ZNF140: variants seen among roughly 807,000 people sequenced by gnomAD.
ZNF140 encodes the protein zinc finger protein 140, also known as zinc finger protein 140 (clone pHZ-39).
Under a neutral mutation model 12.9 loss-of-function variants are expected in ZNF140, and 13 were observed. That is an observed-to-expected ratio of 1.01 (90% CI 0.66 to 1.60). ZNF140 has a LOEUF of 1.60. ZNF140 is among the 40% of genes most tolerant of loss of function. ZNF140 has a pLI of 0.00. For missense variants in ZNF140, 531 were observed against 548.8 expected (o/e 0.97, Z 0.32); for synonymous variants, 214 against 186.7 (o/e 1.15, Z -1.19).
Position 133,081,843 on chromosome 12 carries a change from A to C in ZNF140, c.9+514A>C, listed in dbSNP as rs1031548987. 5.2e-5 allele frequency: 12 copies of C among 231,824 alleles called. No homozygotes were observed. In the Admixed American group the frequency reaches 7.0e-4, roughly 14 times the overall value. 14.4% of individuals were successfully genotyped at this position (231,824 alleles called of 1,614,324 possible). ...AACCTCTACTTTCAGTGGTTCCCACAGTGTGATCCTTGGACCAGCAGTATC... is the reference window on the plus strand; with the variant it reads ...AACCTCTACTTTCAGTGGTTCCCACCGTGTGATCCTTGGACCAGCAGTATC... On this transcript the variant is annotated intron_variant, in intron 2 of 4. Coordinates refer to ENST00000355557, the MANE Select transcript of ZNF140 (RefSeq NM_003440.4).
rs775282902 is a variant in ZNF140 at position 133,106,237 on chromosome 12, G to C, written c.960G>C (p.Gln320His). 6.2e-7 allele frequency: 1 copy of C among 1,614,188 alleles called. No individual in the cohort carries two copies. Among genetic ancestry groups the C allele is most frequent in the Non-Finnish European group, 8.5e-7 (1 of 1,180,034 alleles). ...GTTTCTCACACCTTACTCGACATCA[G>C]AGCATCCATACAACCAAAACCCCGT... ...FRRFSHLTRH[Q>H]SIHTTKTPYE... is the part of the protein sequence containing the mutation. The change falls in exon 5 of 5, where the codon CAG (glutamine) becomes CAC (histidine). Residue 320 changes from glutamine to histidine, a missense_variant. Coordinates refer to ENST00000355557, the MANE Select transcript of ZNF140 (RefSeq NM_003440.4).
At position 133,088,977 on chromosome 12, in the gene ZNF140, G is replaced by A. The variant is rs1478635998; in HGVS notation, c.232+5416G>A. Among the ~76,000 whole-genome samples, 4 of 152,170 alleles carry A rather than the reference G, an allele frequency of 2.6e-5. No individual in the cohort carries two copies. In the East Asian group the frequency reaches 5.8e-4, roughly 22 times the overall value. On this transcript the variant is annotated intron_variant, in intron 4 of 4. Coordinates refer to ENST00000355557, the MANE Select transcript of ZNF140 (RefSeq NM_003440.4). ...ATTAAATTTACTAGTATTTTGTTGAGAATTTTTACATTTATGTTCATGAGA... is the reference window on the plus strand; with the variant it reads ...ATTAAATTTACTAGTATTTTGTTGAAAATTTTTACATTTATGTTCATGAGA...
chr12:133,095,796 A>G (rs536183122), intron 4 of ZNF140, among the ~76,000 whole-genome samples: 5,349 of 146,748 alleles, frequency 0.036, 62 homozygotes, highest in Non-Finnish European at 0.05. Flanking sequence ...TGTGCACGTA[A>G]TCCAGATTTA....
At chr12:133,103,428 A>T (rs1408844336) in intron 4 of ZNF140, among the ~76,000 whole-genome samples, 7 of 141,020 alleles carry the variant, frequency 5.0e-5, no homozygotes, top group Admixed American at 7.1e-5. Context: ...CTAAGTTTTA[A>T]TTTTTTTTTT....
chr12:133,086,191 C>G (rs1954670328), intron 4 of ZNF140, among the ~76,000 whole-genome samples: 1 of 152,226 alleles, frequency 6.6e-6, no homozygotes, highest in East Asian at 1.9e-4. Context: ...CATATTGGCA[C>G]AAGTTTCTCT....
intron 2 of ZNF140, chr12:133,082,659 CTG>C: frequency 6.4e-6 from 1 of 156,836 alleles, no homozygotes; most frequent in Non-Finnish European, 1.4e-5. Flanking sequence ...AAACTTGAGA[CTG>C]TATGCCCCAT....
At chr12:133,081,537 G>A in intron 2 of ZNF140, 1 of 456,878 alleles carries the variant, frequency 2.2e-6, no homozygotes, top group Non-Finnish European at 4.4e-6. Context: ...TTCAGGACTT[G>A]GGACGTGGCT....
intron 4 of ZNF140, among the ~76,000 whole-genome samples, chr12:133,101,695 C>A (rs1455300068): frequency 3.9e-5 from 6 of 152,096 alleles, no homozygotes; most frequent in Non-Finnish European, 8.8e-5. Flanking sequence ...TGCCAGCCTC[C>A]ACCTCCCAAA....
intron 4 of ZNF140, among the ~76,000 whole-genome samples, chr12:133,084,644 T>C (rs1159133509): frequency 1.3e-5 from 2 of 152,222 alleles, no homozygotes; most frequent in African/African-American, 2.4e-5. Flanking sequence ...GTTCTGTAAA[T>C]TCTATAGTTG....
intron 4 of ZNF140, among the ~76,000 whole-genome samples, chr12:133,086,723 G>C (rs1203865516): frequency 6.6e-6 from 1 of 151,962 alleles, no homozygotes; most frequent in Non-Finnish European, 1.5e-5. Context: ...CCTCCTAAGA[G>C]ATTATGATGA....
rs762262215 is a variant in ZNF140 at position 133,106,345 on chromosome 12, C to G, written c.1068C>G (p.Leu356=). The G allele has an allele frequency of 1.9e-6, 3 of 1,614,026 alleles. No homozygotes were observed. In the South Asian group the frequency reaches 3.3e-5, roughly 18 times the overall value. The change falls in exon 5 of 5, where the codon CTC becomes CTG. Residue 356 remains leucine (L), a synonymous_variant. Coordinates refer to ENST00000355557, the MANE Select transcript of ZNF140 (RefSeq NM_003440.4). ...KHQRIHAGEK[L]YECDECGKVF... ...AGAGAATTCATGCTGGAGAAAAGCT[C>G]TATGAATGTGATGAATGTGGTAAAG... is the stretch of plus-strand genomic sequence containing the variant.
chr12:133,085,477 T>C (rs11609273), intron 4 of ZNF140, among the ~76,000 whole-genome samples: 64,791 of 152,062 alleles, frequency 0.43, 14,155 homozygotes, highest in Non-Finnish European at 0.47. Flanking sequence ...AGGCAAACAG[T>C]CACGTGACCA....
At chr12:133,081,246 C>T in intron 1 of ZNF140, 27 bp from the exon 2 acceptor site, 2 of 1,387,242 alleles carry the variant, frequency 1.4e-6, no homozygotes, top group Non-Finnish European at 2.0e-6. Flanking sequence ...GGCCTGTTCG[C>T]TCAGGGCTCC....
chr12:133,091,032 G>C (rs7970373), intron 4 of ZNF140, among the ~76,000 whole-genome samples: 1 of 145,272 alleles, frequency 6.9e-6, no homozygotes, highest in African/African-American at 2.6e-5. Flanking sequence ...CCCAGGGGCA[G>C]ACAGGAGACA....
intron 4 of ZNF140, among the ~76,000 whole-genome samples, chr12:133,088,676 C>G (rs1399110135): frequency 2.0e-5 from 3 of 152,184 alleles, no homozygotes; most frequent in African/African-American, 7.2e-5. Flanking sequence ...AAGTAACTGC[C>G]AAAATGTCTT....
chr12:133,105,550 A>C lies in ZNF140; in HGVS notation c.273A>C (p.Lys91Asn). ...GTGAGATCAAAGACTTTTCACCAAA[A>C]AATGTCATTTATGATGACTCATCCC... The part of the protein sequence containing the change: ...SSGEIKDFSP[K>N]NVIYDDSSQY... Residue 91 changes from lysine (K) to asparagine (N), a missense_variant, in exon 5 of 5, where the codon AAA becomes AAC. Transcript: ENST00000355557. 1 of 1,610,392 alleles carries C rather than the reference A, an allele frequency of 6.2e-7. No individual in the cohort carries two copies. The highest frequency in any genetic ancestry group is 8.5e-7 in the Non-Finnish European group (1 of 1,178,906).
At chr12:133,087,085 G>T (rs1310294452) in intron 4 of ZNF140, among the ~76,000 whole-genome samples, 1 of 151,968 alleles carries the variant, frequency 6.6e-6, no homozygotes, top group Admixed American at 6.5e-5. Flanking sequence ...AAGTAAACAG[G>T]GCTACCATTT....
rs1331949352 is a variant in ZNF140 at position 133,083,486 on chromosome 12, G to A, written c.157G>A (p.Asp53Asn). Residue 53 changes from aspartate (D) to asparagine (N), a missense_variant, in exon 4 of 5, where the codon GAT becomes AAT. Transcript: ENST00000355557. ...AGCAGGTCTTTCCATTTCTAAGCCA[G>A]ATGTGGTTTCCTTATTGGAGCAAGG... is the stretch of plus-strand genomic sequence containing the variant. ...VSLGLSISKP[D>N]VVSLLEQGKE... is the part of the protein sequence containing the mutation. The A allele has an allele frequency of 6.2e-7, 1 of 1,613,570 alleles. No individual in the cohort carries two copies. The highest frequency in any genetic ancestry group is 1.3e-5 in the African/African-American group (1 of 75,002).
At chr12:133,096,022 C>T (rs11832375) in intron 4 of ZNF140, among the ~76,000 whole-genome samples, 16,427 of 139,608 alleles carry the variant, frequency 0.12, 1,351 homozygotes, top group African/African-American at 0.17. Flanking sequence ...CCTCTTTTAC[C>T]AATCCACCTC....
Sources: allele counts gnomAD v4.1 joint callset (sites outside exome capture counted in the v4.1 genomes callset), GRCh38; gene constraint gnomAD v4.1.1; transcripts MANE v1.5; gene names NCBI Gene and HGNC (gene_info 2026-07-23, HGNC 2026-07-21).